Variants in ROR1 observed in about 807,000 individuals in gnomAD.
The protein encoded by ROR1 is inactive tyrosine-protein kinase transmembrane receptor ROR1.
A neutral mutation model predicts 78.8 loss-of-function variants in ROR1; 19 were observed. The observed-to-expected ratio is 0.24, with a 90% confidence interval of 0.17 to 0.35. ROR1 has a LOEUF of 0.35. Among genes scored for constraint, ROR1 ranks in the 10% least tolerant of loss-of-function variants. The pLI is 1.00. For missense variants in ROR1, 917 were observed against 1,177.8 expected, an observed-to-expected ratio of 0.78 and a Z score of 3.24; for synonymous variants, 386 against 433.6, an observed-to-expected ratio of 0.89 and a Z score of 1.36.
At chr1:64,095,373 G>C (rs1270249155) in intron 4 of ROR1, among the ~76,000 whole-genome samples, 1 of 152,174 alleles carries the variant, frequency 6.6e-6, no homozygotes, top group Non-Finnish European at 1.5e-5. Flanking sequence ...CTAGCAATAA[G>C]ATAGATAATT....
intron 1 of ROR1, among the ~76,000 whole-genome samples, chr1:63,861,488 T>C (rs1645181396): frequency 6.6e-6 from 1 of 152,138 alleles, no homozygotes; most frequent in African/African-American, 2.4e-5. Flanking sequence ...AACACCAGGT[T>C]TGGATGTTAC....
At chr1:63,811,898 G>A (rs372828257) in intron 1 of ROR1, among the ~76,000 whole-genome samples, 1 of 151,970 alleles carries the variant, frequency 6.6e-6, no homozygotes, top group Non-Finnish European at 1.5e-5. Flanking sequence ...TATGTCCTTA[G>A]GTCCAGGTTG....
chr1:63,914,803 T>G (rs1030712152), intron 1 of ROR1, among the ~76,000 whole-genome samples: 1 of 152,136 alleles, frequency 6.6e-6, no homozygotes, highest in South Asian at 2.1e-4. Context: ...CCCCCATTTC[T>G]GCTTCATCTC....
chr1:63,913,975 T>C (rs1386172646), intron 1 of ROR1, among the ~76,000 whole-genome samples: 1 of 152,214 alleles, frequency 6.6e-6, no homozygotes, highest in African/African-American at 2.4e-5. Flanking sequence ...AAGGTTCTGG[T>C]TGTTTCTTCT....
At chr1:63,869,615 T>A (rs1252079922) in intron 1 of ROR1, among the ~76,000 whole-genome samples, 1 of 152,232 alleles carries the variant, frequency 6.6e-6, no homozygotes, top group Non-Finnish European at 1.5e-5. Flanking sequence ...TTTTCCCCAG[T>A]ACAGAACTTA....
intron 1 of ROR1, among the ~76,000 whole-genome samples, chr1:63,977,548 T>G (rs958959202): frequency 1.3e-5 from 2 of 152,170 alleles, no homozygotes; most frequent in Admixed American, 1.3e-4. Context: ...GAAATGATTA[T>G]AGTACTGACC....
At chr1:63,855,662 T>G (rs1214720529) in intron 1 of ROR1, among the ~76,000 whole-genome samples, 1 of 152,112 alleles carries the variant, frequency 6.6e-6, no homozygotes, top group Non-Finnish European at 1.5e-5. Flanking sequence ...CTCTTTTTTT[T>G]TTTTTGAGAC....
At chr1:63,986,224 C>T (rs1646250721) in intron 1 of ROR1, among the ~76,000 whole-genome samples, 1 of 152,190 alleles carries the variant, frequency 6.6e-6, no homozygotes, top group Admixed American at 6.5e-5. Flanking sequence ...ATAATTTGCC[C>T]TCCCTCTACC....
At chr1:64,152,229 CAT>C (rs1321958511) in intron 7 of ROR1, among the ~76,000 whole-genome samples, 2 of 152,196 alleles carry the variant, frequency 1.3e-5, no homozygotes, top group African/African-American at 4.8e-5. Context: ...AATTTGAAGA[CAT>C]ATGTCACATC....
chr1:63,999,460 G>T (rs1303342223), intron 1 of ROR1, among the ~76,000 whole-genome samples: 1 of 152,122 alleles, frequency 6.6e-6, no homozygotes, highest in East Asian at 1.9e-4. Context: ...CAAAATCTTT[G>T]GTCAGGACAA....
chr1:64,137,548 G>A lies in ROR1; in HGVS notation c.610+52G>A, dbSNP rs3738151. ...TGTCCCTTGAATAACTATTTTTCTC[G>A]CCAAAAGTTTTATTGAGCTCCTCTC... On this transcript the variant is annotated intron_variant, in intron 5 of 8. Coordinates refer to ENST00000371079, the MANE Select transcript of ROR1 (RefSeq NM_005012.4). 289,637 of 1,569,140 alleles carry A rather than the reference G, an allele frequency of 0.18. 28,215 individuals are homozygous for A. The highest frequency in any genetic ancestry group is 0.2 in the Non-Finnish European group (232,620 of 1,153,032).
chr1:64,059,096 TAA>T (rs1341506312), intron 4 of ROR1, among the ~76,000 whole-genome samples: 1 of 152,226 alleles, frequency 6.6e-6, no homozygotes, highest in African/African-American at 2.4e-5. Context: ...TGAGATTATC[TAA>T]GTTATTTTAT....
intron 8 of ROR1, among the ~76,000 whole-genome samples, chr1:64,161,542 G>A (rs1332840788): frequency 1.3e-5 from 2 of 152,056 alleles, no homozygotes; most frequent in East Asian, 1.9e-4. Context: ...TGTACAATTT[G>A]GCTAGAGCAA....
At chr1:63,854,887 C>T (rs927388484) in intron 1 of ROR1, among the ~76,000 whole-genome samples, 2 of 152,046 alleles carry the variant, frequency 1.3e-5, no homozygotes, top group African/African-American at 4.8e-5. Flanking sequence ...CATACATTCT[C>T]CTGTATACTT....
chr1:64,108,654 A>G (rs1647941049), intron 4 of ROR1, among the ~76,000 whole-genome samples: 1 of 151,532 alleles, frequency 6.6e-6, no homozygotes, highest in Non-Finnish European at 1.5e-5. Context: ...CCCATCACAT[A>G]ACACACACAC....
At position 64,178,582 on chromosome 1, in the gene ROR1, C is replaced by A. The variant is rs768752046; in HGVS notation, c.2541C>A (p.His847Gln). 5.0e-6 allele frequency: 8 copies of A among 1,614,200 alleles called. No homozygotes were observed. Among genetic ancestry groups the A allele is most frequent in the Middle Eastern group, 1.6e-4 (1 of 6,062 alleles). Residue 847 changes from histidine (H) to glutamine (Q), a missense_variant, in exon 9 of 9, where the codon CAC becomes CAA. Around this residue, in one of 3 missense-constraint regions of ROR1, gnomAD observed 835 missense variants for 1,069.8 expected, o/e 0.78. Coordinates refer to ENST00000371079, the MANE Select transcript of ROR1 (RefSeq NM_005012.4). This position sits in a 1 kb window ranked among gnomAD's most constrained non-coding sequence, Gnocchi z 4.3. ...QPTGPPRVIQ[H>Q]CPPPKSRSPS... ...CAGGTCCTCCCAGAGTGATTCAGCA[C>A]TGCCCACCTCCCAAGAGTCGGTCCC...
intron 1 of ROR1, among the ~76,000 whole-genome samples, chr1:64,007,428 G>A (rs955659334): frequency 6.7e-6 from 1 of 149,670 alleles, no homozygotes; most frequent in Non-Finnish European, 1.5e-5. Context: ...CCTGAGGGGA[G>A]GTTAGTATAA....
In ROR1 at chr1:63,993,385, A is replaced by T. The variant is rs143782224; in HGVS notation, c.92-15920A>T. Among the ~76,000 whole-genome samples the T allele has an allele frequency of 2.0e-5, 3 of 152,322 alleles. No individual in the cohort carries two copies. In the East Asian group the frequency reaches 5.8e-4, roughly 29 times the overall value. Reference sequence around the variant, plus strand: ...TATAGAATTTTAAGAGTGCAAAAAGATGTACAGTAAAACATCCTGCTTGCC... The same window carrying T: ...TATAGAATTTTAAGAGTGCAAAAAGTTGTACAGTAAAACATCCTGCTTGCC... On this transcript the variant is annotated intron_variant, in intron 1 of 8. Coordinates refer to ENST00000371079, the MANE Select transcript of ROR1 (RefSeq NM_005012.4).
chr1:64,040,270 C>T (rs565396076), intron 2 of ROR1, among the ~76,000 whole-genome samples: 1 of 152,258 alleles, frequency 6.6e-6, no homozygotes, highest in Admixed American at 6.5e-5. Flanking sequence ...GACCAATTCT[C>T]AAGCCAGAAA....
Sources: allele counts gnomAD v4.1 joint callset (sites outside exome capture counted in the v4.1 genomes callset), GRCh38; gene constraint gnomAD v4.1.1; regional missense constraint gnomAD v4.1.1; non-coding constraint Gnocchi (gnomAD v3.1); transcripts MANE v1.5; gene names NCBI Gene and HGNC (gene_info 2026-07-23, HGNC 2026-07-21).